TMEM132C: variants seen among roughly 807,000 people sequenced by gnomAD.
The protein encoded by TMEM132C is transmembrane protein 132C.
TMEM132C carries 29 observed loss-of-function variants against 61.4 expected under a neutral mutation model. The ratio of observed to expected loss-of-function variants is 0.47; its 90% CI spans 0.35 to 0.64. The LOEUF (loss-of-function observed/expected upper bound fraction) is 0.64, where lower values mean the gene tolerates loss of function less well. Among genes scored for constraint, TMEM132C ranks in the 30% least tolerant of loss-of-function variants. TMEM132C has a pLI of 0.00. For missense variants in TMEM132C, 1,408 were observed against 1,476.9 expected (o/e 0.95, Z 0.76); for synonymous variants, 656 against 633.1 (o/e 1.04, Z -0.54).
intron 3 of TMEM132C, among the ~76,000 whole-genome samples, chr12:128,582,957 A>T (rs1336041680): frequency 1.3e-5 from 2 of 152,182 alleles, no homozygotes; most frequent in African/African-American, 4.8e-5. Flanking sequence ...GACACTTTGG[A>T]AAGCAATTTG....
intron 1 of TMEM132C, among the ~76,000 whole-genome samples, chr12:128,320,031 A>C (rs1177475829): frequency 6.6e-6 from 1 of 152,102 alleles, no homozygotes; most frequent in Non-Finnish European, 1.5e-5. Context: ...AAAAGAAAGA[A>C]AGAAAAAAAA....
intron 3 of TMEM132C, among the ~76,000 whole-genome samples, chr12:128,582,776 G>A (rs1875393941): frequency 6.6e-6 from 1 of 152,026 alleles, no homozygotes; most frequent in Admixed American, 6.6e-5. Flanking sequence ...CCAGTCTCAG[G>A]TATGTCTTTA....
At chr12:128,340,859 T>C (rs1872944926) in intron 1 of TMEM132C, among the ~76,000 whole-genome samples, 1 of 149,668 alleles carries the variant, frequency 6.7e-6, no homozygotes, top group Non-Finnish European at 1.5e-5. Flanking sequence ...CTTTCTTTCT[T>C]CCTTCCTTCC....
intron 4 of TMEM132C, among the ~76,000 whole-genome samples, chr12:128,652,684 G>A (rs561276309): frequency 2.6e-5 from 4 of 152,342 alleles, no homozygotes; most frequent in South Asian, 2.1e-4. Context: ...CCCCTGACCC[G>A]GGTAAAGCCC....
chr12:128,449,818 G>A (rs138172573), intron 2 of TMEM132C, among the ~76,000 whole-genome samples: 1 of 152,278 alleles, frequency 6.6e-6, no homozygotes, highest in Non-Finnish European at 1.5e-5. Context: ...GTGACTAGAC[G>A]TTTCCATGTC....
Position 128,267,183 on chromosome 12 carries a change from GGCCGGAGCGCGAGCAGCGGCGGA to G in TMEM132C, c.-211_-189del, listed in dbSNP as rs950142999. On this transcript the variant is annotated 5_prime_UTR_variant, in exon 1 of 9. Coordinates refer to ENST00000435159, the MANE Select transcript of TMEM132C (RefSeq NM_001136103.3). The stretch of plus-strand genomic sequence containing the variant: ...GAGGCTGCGGGAGAAAAGTTGTCCC[GGCCGGAGCGCGAGCAGCGGCGGA>G]GCCGGAGCCGCCAGAGCCAGAGCCG... 6.8e-6 allele frequency among the ~76,000 whole-genome samples: 1 copy of G among 146,906 alleles called. No homozygotes were observed. Among genetic ancestry groups the G allele is most frequent in the African/African-American group, 2.4e-5 (1 of 40,892 alleles).
At chr12:128,697,524 GTTCCACAATGGAAGCCAT>G in intron 8 of TMEM132C, 109 bp downstream of exon 8, 1 of 1,136,560 alleles carries the variant, frequency 8.8e-7, no homozygotes, top group African/African-American at 1.6e-5. Flanking sequence ...GCAGAACCAT[GTTCCACAATGGAAGCCAT>G]GTCATTGCAG....
chr12:128,454,935 G>T (rs947662844), intron 2 of TMEM132C, among the ~76,000 whole-genome samples: 4 of 152,304 alleles, frequency 2.6e-5, no homozygotes, highest in Admixed American at 2.6e-4. Context: ...GTTAAAATTG[G>T]CCGAGAGGCA....
Position 128,697,487 on chromosome 12 carries a change from G to C in TMEM132C, c.2121+72G>C, listed in dbSNP as rs552479184. 5.5e-5 allele frequency: 78 copies of C among 1,411,736 alleles called. No individual in the cohort carries two copies. In the African/African-American group the frequency reaches 1.0e-3, roughly 18 times the overall value. 87.5% of individuals were successfully genotyped at this position (1,411,736 alleles called of 1,614,324 possible). On this transcript the variant is annotated intron_variant, in intron 8 of 8. Transcript: ENST00000435159. ...TGTGCCTGCTTCAGCAAAGGGGCAG[G>C]GTGGAGTGAGAAATGGGGGCAGGTT...
chr12:128,280,234 C>A (rs1423684095), intron 1 of TMEM132C, among the ~76,000 whole-genome samples: 1 of 152,162 alleles, frequency 6.6e-6, no homozygotes, highest in Non-Finnish European at 1.5e-5. Context: ...GAAGTGCCCC[C>A]GTCAATTTGA....
chr12:128,267,618 C>A, intron 1 of TMEM132C, 131 bp downstream of exon 1: 1 of 750,050 alleles, frequency 1.3e-6, no homozygotes, highest in Non-Finnish European at 1.7e-6. Context: ...CCATCAACAG[C>A]GCCTCTGCGG....
At chr12:128,464,778 A>AAGAAAGAG (rs901613438) in intron 2 of TMEM132C, among the ~76,000 whole-genome samples, 1 of 102,460 alleles carries the variant, frequency 9.8e-6, no homozygotes, top group Non-Finnish European at 2.0e-5. Context: ...GAAAGAAAGA[A>AAGAAAGAG]AGAAAGAGAG....
At chr12:128,448,131 A>G (rs1870053977) in intron 2 of TMEM132C, among the ~76,000 whole-genome samples, 1 of 152,098 alleles carries the variant, frequency 6.6e-6, no homozygotes. Context: ...TGTTGTTGTC[A>G]CTGGTGAAAA....
chr12:128,540,392 TACAGGCATGCACC>T (rs930562633), intron 2 of TMEM132C, among the ~76,000 whole-genome samples: 2 of 152,170 alleles, frequency 1.3e-5, no homozygotes, highest in African/African-American at 4.8e-5. Context: ...TAGCTGGGAC[TACAGGCATGCACC>T]ACCATGCCCA....
At chr12:128,595,861 C>T (rs983622147) in intron 3 of TMEM132C, among the ~76,000 whole-genome samples, 16 of 152,240 alleles carry the variant, frequency 1.1e-4, no homozygotes, top group African/African-American at 3.9e-4. Flanking sequence ...AACAGAGGAG[C>T]ATCCCCCAGA....
chr12:128,534,482 A>G (rs1873446747), intron 2 of TMEM132C, among the ~76,000 whole-genome samples: 1 of 152,240 alleles, frequency 6.6e-6, no homozygotes, highest in South Asian at 2.1e-4. Context: ...GCCACCCTGG[A>G]TGCAGCAGAT....
At chr12:128,404,573 CTCAT>C (rs1408214426) in intron 1 of TMEM132C, 4 of 152,256 alleles carry the variant, frequency 2.6e-5, no homozygotes, top group African/African-American at 9.6e-5. Context: ...AGTGGGAAGG[CTCAT>C]TCTCCCAGTG....
intron 4 of TMEM132C, among the ~76,000 whole-genome samples, chr12:128,663,116 A>G (rs1327550314): frequency 6.6e-6 from 1 of 152,208 alleles, no homozygotes; most frequent in Non-Finnish European, 1.5e-5. Flanking sequence ...ATGCCATAAA[A>G]TGTACTGTTT....
chr12:128,620,062 T>G (rs1319046681), intron 4 of TMEM132C, among the ~76,000 whole-genome samples: 3 of 151,384 alleles, frequency 2.0e-5, no homozygotes, highest in Admixed American at 1.3e-4. Context: ...GAGACCTCAT[T>G]TCTACAAAAA....
Sources: allele counts gnomAD v4.1 joint callset (sites outside exome capture counted in the v4.1 genomes callset), GRCh38; gene constraint gnomAD v4.1.1; transcripts MANE v1.5; gene names NCBI Gene and HGNC (gene_info 2026-07-23, HGNC 2026-07-21).